Variants in SORL1 observed in about 807,000 individuals in gnomAD.
SORL1 encodes sortilin-related receptor.
Under a neutral mutation model 273.7 loss-of-function variants are expected in SORL1, and 127 were observed. The ratio of observed to expected loss-of-function variants is 0.46; its 90% CI spans 0.40 to 0.54. The LOEUF is 0.54. Ranked by LOEUF, SORL1 falls within the 20% of genes least tolerant of loss-of-function variation. The probability of loss-of-function intolerance (pLI) is 0.00; values close to 1 mark genes in which losing one functional copy is unlikely to be tolerated. For missense variants in SORL1, 2,494 were observed against 2,846.1 expected (o/e 0.88, Z 2.81); for synonymous variants, 1,031 against 1,067.4 (o/e 0.97, Z 0.66).
intron 16 of SORL1, among the ~76,000 whole-genome samples, chr11:121,551,584 C>T (rs1862507219): frequency 6.6e-6 from 1 of 152,160 alleles, no homozygotes; most frequent in Non-Finnish European, 1.5e-5. Flanking sequence ...CTGCCCATTA[C>T]CTCTTGGTGA....
Position 121,452,351 on chromosome 11 carries a change from G to C in SORL1, c.20G>C (p.Arg7Thr). The C allele has an allele frequency of 1.3e-6, 2 of 1,554,424 alleles. No homozygotes were observed. Among genetic ancestry groups the C allele is most frequent in the Non-Finnish European group, 1.7e-6 (2 of 1,154,836 alleles). MATRSS[R>T]RESRLPFLFT... ...CCGAACATGGCGACACGGAGCAGCA[G>C]GAGGGAGTCGCGACTCCCGTTCCTA... is the stretch of plus-strand genomic sequence containing the variant. The change falls in exon 1 of 48, where the codon AGG becomes ACG. Residue 7 changes from arginine to threonine, a missense_variant. By Grantham distance (71) the Arg-to-Thr change is moderately conservative. Around this residue, in one of 3 missense-constraint regions of SORL1, gnomAD observed 175 missense variants for 147.1 expected, o/e 1.19. Transcript: ENST00000260197. This position sits in a 1 kb window ranked among gnomAD's most constrained non-coding sequence, Gnocchi z 5.3.
At chr11:121,506,866 T>C (rs1392186671) in intron 6 of SORL1, among the ~76,000 whole-genome samples, 1 of 152,230 alleles carries the variant, frequency 6.6e-6, no homozygotes, top group Non-Finnish European at 1.5e-5. Context: ...ATAAATTTTT[T>C]TTGGATCCTT....
At chr11:121,453,540 A>T (rs977257267) in intron 1 of SORL1, among the ~76,000 whole-genome samples, 1 of 152,158 alleles carries the variant, frequency 6.6e-6, no homozygotes, top group Admixed American at 6.5e-5. Context: ...GAGAAAAAGT[A>T]GGACCAGAGG....
intron 35 of SORL1, 65 bp downstream of exon 35, chr11:121,605,636 T>C (rs1490002317): frequency 8.4e-6 from 11 of 1,306,048 alleles, no homozygotes; most frequent in African/African-American, 1.5e-5. Flanking sequence ...TGAGGGTCTT[T>C]CTGAGTATTC....
At chr11:121,500,341 C>T (rs1861692539) in intron 6 of SORL1, among the ~76,000 whole-genome samples, 2 of 152,210 alleles carry the variant, frequency 1.3e-5, no homozygotes, top group South Asian at 4.1e-4. Flanking sequence ...AAATGTGTAT[C>T]AGTAAGCAAA....
chr11:121,538,133 C>G (rs1195229764), intron 12 of SORL1, among the ~76,000 whole-genome samples: 6 of 151,886 alleles, frequency 4.0e-5, no homozygotes, highest in Admixed American at 6.6e-5. Flanking sequence ...TTAATAAAAA[C>G]CTCTGACAGT....
chr11:121,581,140 G>T (rs907870602), intron 25 of SORL1, among the ~76,000 whole-genome samples: 1 of 151,174 alleles, frequency 6.6e-6, no homozygotes, highest in African/African-American at 2.4e-5. Flanking sequence ...TCTAACTCCT[G>T]ATCTCAAAGT....
chr11:121,595,530 A>T lies in SORL1; in HGVS notation c.4370-93A>T, dbSNP rs1010996165. Reference sequence around the variant, plus strand: ...CTTCAGGTTCCCATTGTAATTTCTAAAGCACCGTAATCTCCTAGCATATTG... The same window carrying T: ...CTTCAGGTTCCCATTGTAATTTCTATAGCACCGTAATCTCCTAGCATATTG... On this transcript the variant is annotated intron_variant, in intron 31 of 47. Coordinates refer to ENST00000260197, the MANE Select transcript of SORL1 (RefSeq NM_003105.6). This position sits in a 1 kb window ranked among gnomAD's most constrained non-coding sequence, Gnocchi z 5.1. 1 of 1,150,804 alleles carries T rather than the reference A, an allele frequency of 8.7e-7. No homozygotes were observed. The highest frequency in any genetic ancestry group is 1.2e-6 in the Non-Finnish European group (1 of 803,998). The allele number at this position is 1,150,804 out of a possible 1,614,324, so 71.3% of individuals were successfully genotyped here. A position where few individuals can be genotyped will look rare whatever the true frequency, so the allele number is the denominator to read the frequency against.
intron 12 of SORL1, among the ~76,000 whole-genome samples, chr11:121,533,882 C>T (rs187183959): frequency 3.9e-5 from 6 of 152,220 alleles, no homozygotes; most frequent in East Asian, 1.9e-4. Flanking sequence ...GGTGATACTC[C>T]GAAGAGGTCC....
At chr11:121,573,357 A>G (rs1292824532) in intron 23 of SORL1, among the ~76,000 whole-genome samples, 6 of 152,168 alleles carry the variant, frequency 3.9e-5, no homozygotes, top group Non-Finnish European at 8.8e-5. Context: ...CATGCCTGTA[A>G]TCCTAGCACT....
At chr11:121,607,499 T>C (rs1355939186) in intron 37 of SORL1, among the ~76,000 whole-genome samples, 1 of 152,210 alleles carries the variant, frequency 6.6e-6, no homozygotes, top group Non-Finnish European at 1.5e-5. Flanking sequence ...AGAGTTTCTG[T>C]AGATAACCGG....
chr11:121,556,826 T>G (rs1411641297), intron 18 of SORL1, among the ~76,000 whole-genome samples: 3 of 152,152 alleles, frequency 2.0e-5, no homozygotes, highest in Non-Finnish European at 4.4e-5. Context: ...CGCATCAGGC[T>G]TGGAGAAGCA....
Position 121,496,915 on chromosome 11 carries a change from C to G in SORL1, c.805C>G (p.His269Asp). ...DKPNTIYIER[H>D]EPSGYSTVFR... ...ACCAAATACCATCTACATTGAACGA[C>G]ATGAACCCTCTGGCTACTCCACTGT... Residue 269 changes from histidine (H) to aspartate (D), a missense_variant, in exon 6 of 48, where the codon CAT (histidine) becomes GAT (aspartate). Transcript: ENST00000260197. 6.2e-7 allele frequency: 1 copy of G among 1,613,526 alleles called. No individual in the cohort carries two copies. Among genetic ancestry groups the G allele is most frequent in the Non-Finnish European group, 8.5e-7 (1 of 1,179,880 alleles).
intron 16 of SORL1, among the ~76,000 whole-genome samples, chr11:121,552,205 T>C (rs1430591991): frequency 6.6e-6 from 1 of 152,140 alleles, no homozygotes; most frequent in Non-Finnish European, 1.5e-5. Context: ...ACAGGACTAA[T>C]GGGGGCCGTA....
Position 121,627,591 on chromosome 11 carries a change from C to T in SORL1, c.6401C>T (p.Thr2134Met), listed in dbSNP as rs142884576. 7.3e-4 allele frequency: 1,177 copies of T among 1,614,168 alleles called. No individual in the cohort carries two copies. Among genetic ancestry groups the T allele is most frequent in the Non-Finnish European group, 9.3e-4 (1,093 of 1,180,038 alleles). The stretch of plus-strand genomic sequence containing the variant: ...TCTGCAACGCAGGCTGCCAGATCTA[C>T]GGATGTTGCTGCTGTGGTGGTGCCC... ...DASATQAARS[T>M]DVAAVVVPIL... The change falls in exon 47 of 48, where the codon ACG becomes ATG. Residue 2134 changes from threonine to methionine, a missense_variant. Transcript: ENST00000260197. This position sits in a 1 kb window ranked among gnomAD's most constrained non-coding sequence, Gnocchi z 4.9.
chr11:121,554,188 T>A lies in SORL1; in HGVS notation c.2439+79T>A. 7.7e-7 allele frequency: 1 copy of A among 1,301,472 alleles called. No individual in the cohort carries two copies. The highest frequency in any genetic ancestry group is 1.1e-6 in the Non-Finnish European group (1 of 934,160). The allele number at this position is 1,301,472 out of a possible 1,614,324, so 80.6% of individuals were successfully genotyped here. A position where few individuals can be genotyped will look rare whatever the true frequency, so the allele number is the denominator to read the frequency against. On this transcript the variant is annotated intron_variant, in intron 17 of 47. Transcript: ENST00000260197. The surrounding 1 kb of genome is among the most constrained non-coding windows in gnomAD (Gnocchi z 4.6). ...CTGATAAGCTGCATGCAGAATGGCC[T>A]ATGGAAATGGGCAGTTAGAAGTTTG...
intron 2 of SORL1, among the ~76,000 whole-genome samples, chr11:121,473,887 C>G (rs1861215640): frequency 6.6e-6 from 1 of 151,472 alleles, no homozygotes; most frequent in African/African-American, 2.4e-5. Context: ...AGAGTGAGAC[C>G]CTGTCTCAAA....
chr11:121,599,465 A>AC (rs1286060192), intron 32 of SORL1, among the ~76,000 whole-genome samples: 2 of 151,996 alleles, frequency 1.3e-5, no homozygotes, highest in Non-Finnish European at 2.9e-5. Flanking sequence ...AATTGCTTGA[A>AC]CCCGGGAGGC....
intron 2 of SORL1, among the ~76,000 whole-genome samples, chr11:121,475,711 C>T (rs1861256295): frequency 6.6e-6 from 1 of 152,182 alleles, no homozygotes; most frequent in South Asian, 2.1e-4. Flanking sequence ...AGAGAGACAA[C>T]TGGACGTGGA....
Sources: allele counts gnomAD v4.1 joint callset (sites outside exome capture counted in the v4.1 genomes callset), GRCh38; gene constraint gnomAD v4.1.1; regional missense constraint gnomAD v4.1.1; non-coding constraint Gnocchi (gnomAD v3.1); transcripts MANE v1.5; gene names NCBI Gene and HGNC (gene_info 2026-07-23, HGNC 2026-07-21).